JAKMIP1: variants seen among roughly 807,000 people sequenced by gnomAD.
JAKMIP1 encodes janus kinase and microtubule interacting protein 1, also known as janus kinase and microtubule-interacting protein 1.
JAKMIP1 carries 33 observed loss-of-function variants against 113.0 expected under a neutral mutation model. The ratio of observed to expected loss-of-function variants is 0.29; its 90% CI spans 0.22 to 0.39. The LOEUF is 0.39. Among genes scored for constraint, JAKMIP1 ranks in the 10% least tolerant of loss-of-function variants. The pLI is 1.00. For missense variants in JAKMIP1, 813 were observed against 1,080.5 expected (o/e 0.75, Z 3.47); for synonymous variants, 480 against 459.9 (o/e 1.04, Z -0.56).
chr4:6,112,631 G>C (rs1715128018), intron 2 of JAKMIP1, 91 bp downstream of exon 2: 2 of 1,491,030 alleles, frequency 1.3e-6, no homozygotes, highest in Non-Finnish European at 1.8e-6. Context: ...CCCCCTCCTG[G>C]AACAGGCTCT....
chr4:6,181,132 C>T lies in JAKMIP1; in HGVS notation c.-148+19121G>A, dbSNP rs990638480. Among the ~76,000 whole-genome samples, 7 of 152,106 alleles carry T rather than the reference C, an allele frequency of 4.6e-5. No homozygotes were observed. The highest frequency in any genetic ancestry group is 1.9e-4 in the East Asian group (1 of 5,174). Reference sequence around the variant, plus strand: ...TACATCCTTTCTATACTCACCACCCCGTGTGGGCTTGATATGACTAGATGC... The same window carrying T: ...TACATCCTTTCTATACTCACCACCCTGTGTGGGCTTGATATGACTAGATGC... On this transcript the variant is annotated intron_variant, in intron 1 of 20. Transcript: ENST00000409021. This position sits in a 1 kb window ranked among gnomAD's most constrained non-coding sequence, Gnocchi z 5.4.
chr4:6,123,817 C>G (rs78713914), intron 1 of JAKMIP1, among the ~76,000 whole-genome samples: 4,424 of 152,258 alleles, frequency 0.029, 209 homozygotes, highest in African/African-American at 0.1. Context: ...CAGTGACACC[C>G]TGTCCCTAAA....
chr4:6,172,524 A>G (rs1173172260), intron 1 of JAKMIP1, among the ~76,000 whole-genome samples: 1 of 151,422 alleles, frequency 6.6e-6, no homozygotes, highest in Non-Finnish European at 1.5e-5. Flanking sequence ...AGGAGAGAGG[A>G]CACGGCCCTG....
At position 6,117,845 on chromosome 4, in the gene JAKMIP1, G is replaced by A. The variant is rs548854122; in HGVS notation, c.-147-4848C>T. Among the ~76,000 whole-genome samples, 18 of 152,312 alleles carry A rather than the reference G, an allele frequency of 1.2e-4. 1 individual carries two copies. In the South Asian group the frequency reaches 2.9e-3, roughly 25 times the overall value. On this transcript the variant is annotated intron_variant, in intron 1 of 20. Coordinates refer to ENST00000409021, the MANE Select transcript of JAKMIP1 (RefSeq NM_001099433.2). ...TTTGCTTTTGAAAGAAGAGAAATACGGCTCTGTTCTGCCTGGCTCACCAGC... is the reference window on the plus strand; with the variant it reads ...TTTGCTTTTGAAAGAAGAGAAATACAGCTCTGTTCTGCCTGGCTCACCAGC...
intron 3 of JAKMIP1, among the ~76,000 whole-genome samples, chr4:6,091,344 C>T (rs1722033834): frequency 6.6e-6 from 1 of 152,186 alleles, no homozygotes; most frequent in African/African-American, 2.4e-5. Flanking sequence ...GTCTCTTGTG[C>T]AAATACACAG....
At chr4:6,189,854 C>A (rs946899478) in intron 1 of JAKMIP1, among the ~76,000 whole-genome samples, 1 of 152,182 alleles carries the variant, frequency 6.6e-6, no homozygotes. Context: ...TCAAAGGGAA[C>A]AGCATGTGCA....
Position 6,197,948 on chromosome 4 carries a change from C to T in JAKMIP1, c.-148+2305G>A, listed in dbSNP as rs1361901336. On this transcript the variant is annotated intron_variant, in intron 1 of 20. Transcript: ENST00000409021. The surrounding 1 kb of genome is among the most constrained non-coding windows in gnomAD (Gnocchi z 6.5). The stretch of plus-strand genomic sequence containing the variant: ...GAGTGGGGCCACGGTCCTGCCACTT[C>T]CTCGTGCAGCCTTCCTGGCCGGGCC... 6.6e-6 allele frequency among the ~76,000 whole-genome samples: 1 copy of T among 152,222 alleles called. No individual in the cohort carries two copies. Among genetic ancestry groups the T allele is most frequent in the East Asian group, 1.9e-4 (1 of 5,194 alleles).
chr4:6,099,498 C>A (rs1414149509), intron 3 of JAKMIP1, among the ~76,000 whole-genome samples: 1 of 152,148 alleles, frequency 6.6e-6, no homozygotes, highest in Non-Finnish European at 1.5e-5. Flanking sequence ...CCACCAACCA[C>A]CCCCACCCCA....
intron 4 of JAKMIP1, 29 bp from the exon 5 acceptor site, chr4:6,084,994 A>T (rs958590001): frequency 2.6e-6 from 4 of 1,518,822 alleles, no homozygotes; most frequent in Admixed American, 2.1e-5. Context: ...AAAAAAAAAA[A>T]GTCAAGACGT....
chr4:6,055,885 G>T (rs1167582084), intron 12 of JAKMIP1, among the ~76,000 whole-genome samples: 2 of 146,896 alleles, frequency 1.4e-5, no homozygotes, highest in Non-Finnish European at 1.5e-5. Context: ...TCTGCAGAGT[G>T]TCCCCAGAGG....
At chr4:6,070,170 T>C in intron 8 of JAKMIP1, 1 of 398,548 alleles carries the variant, frequency 2.5e-6, no homozygotes, top group Non-Finnish European at 4.4e-6. Context: ...CATGGTGGCG[T>C]GAAGCTGCAG....
rs1717900909 is a variant in JAKMIP1, at chr4:6,065,269, T to G, written c.1303-261A>C. Among the ~76,000 whole-genome samples the G allele has an allele frequency of 6.6e-6, 1 of 152,198 alleles. No homozygotes were observed. Among genetic ancestry groups the G allele is most frequent in the African/African-American group, 2.4e-5 (1 of 41,446 alleles). On this transcript the variant is annotated intron_variant, in intron 8 of 20. Transcript: ENST00000409021. The surrounding 1 kb of genome is among the most constrained non-coding windows in gnomAD (Gnocchi z 5.1). The stretch of plus-strand genomic sequence containing the variant: ...CTCTGGCTCTCCAGCTGTAGACCTG[T>G]GCAAACCACTTGGCCCCTGGAGCAC...
intron 11 of JAKMIP1, among the ~76,000 whole-genome samples, chr4:6,057,190 A>G (rs903527983): frequency 6.6e-6 from 1 of 152,194 alleles, no homozygotes; most frequent in Non-Finnish European, 1.5e-5. Flanking sequence ...ATCCTCTTGC[A>G]TAAGTCCTGT....
chr4:6,130,221 G>A lies in JAKMIP1; in HGVS notation c.-147-17224C>T, dbSNP rs1023995514. Among the ~76,000 whole-genome samples, 3 of 152,372 alleles carry A rather than the reference G, an allele frequency of 2.0e-5. No individual in the cohort carries two copies. In the South Asian group the frequency reaches 6.2e-4, roughly 32 times the overall value. On this transcript the variant is annotated intron_variant, in intron 1 of 20. Coordinates refer to ENST00000409021, the MANE Select transcript of JAKMIP1 (RefSeq NM_001099433.2). ...GGCAGGGGAAGAAGGAGGGAGCGGG[G>A]ACGCAATGAGAATTGAATCAAACTT...
chr4:6,045,737 C>A (rs1313252052), intron 16 of JAKMIP1, among the ~76,000 whole-genome samples: 1 of 152,088 alleles, frequency 6.6e-6, no homozygotes, highest in Non-Finnish European at 1.5e-5. Context: ...CCGGACGTGG[C>A]GGCATATGCC....
At position 6,130,920 on chromosome 4, in the gene JAKMIP1, C is replaced by A. The variant is rs557085723; in HGVS notation, c.-147-17923G>T. 2.0e-5 allele frequency among the ~76,000 whole-genome samples: 3 copies of A among 152,000 alleles called. No homozygotes were observed. The South Asian group carries it at 6.3e-4, about 32-fold the overall frequency. ...CAGGCGCGATGGTTCAAACCTATAA[C>A]CCCAGCACTTTGGGAGGCTGAGGAA... is the stretch of plus-strand genomic sequence containing the variant. On this transcript the variant is annotated intron_variant, in intron 1 of 20. Coordinates refer to ENST00000409021, the MANE Select transcript of JAKMIP1 (RefSeq NM_001099433.2).
At chr4:6,078,147 G>A (rs942114097) in intron 8 of JAKMIP1, among the ~76,000 whole-genome samples, 2 of 151,944 alleles carry the variant, frequency 1.3e-5, no homozygotes, top group Non-Finnish European at 2.9e-5. Flanking sequence ...AAACCCTGCC[G>A]CTACTAAAAA....
At position 6,030,014 on chromosome 4, in the gene JAKMIP1, G is replaced by A. The variant is rs371332120; in HGVS notation, c.2380-233C>T. On this transcript the variant is annotated intron_variant, in intron 19 of 20. Coordinates refer to ENST00000409021, the MANE Select transcript of JAKMIP1 (RefSeq NM_001099433.2). ...CCCGGCTCAATTCCAGCTCTGCAAAGGAATTCTGTTCTGACTTCTATCACT... is the reference window on the plus strand; with the variant it reads ...CCCGGCTCAATTCCAGCTCTGCAAAAGAATTCTGTTCTGACTTCTATCACT... Among the ~76,000 whole-genome samples, 17 of 152,190 alleles carry A rather than the reference G, an allele frequency of 1.1e-4. No individual in the cohort carries two copies. In the East Asian group the frequency reaches 3.3e-3, roughly 29 times the overall value.
At chr4:6,117,977 AT>A (rs1454339374) in intron 1 of JAKMIP1, among the ~76,000 whole-genome samples, 4 of 152,176 alleles carry the variant, frequency 2.6e-5, no homozygotes, top group African/African-American at 9.7e-5. Context: ...ATGCTGTACA[AT>A]TTGTGTAGTT....
Sources: gnomAD v4.1 joint callset for allele counts (sites outside exome capture counted in the v4.1 genomes callset) on GRCh38, gnomAD v4.1.1 for gene constraint, Gnocchi (gnomAD v3.1) non-coding constraint, MANE v1.5 for transcripts, NCBI Gene and HGNC (gene_info 2026-07-23, HGNC 2026-07-21) for gene names.